ZNF471: variants seen among roughly 807,000 people sequenced by gnomAD.
The protein encoded by ZNF471 is zinc finger protein 471.
A neutral mutation model predicts 13.7 loss-of-function variants in ZNF471; 7 were observed. The observed-to-expected ratio is 0.51, with a 90% CI of 0.29 to 0.96. ZNF471 has a LOEUF of 0.96. ZNF471 is among the 40% of genes least tolerant of loss of function. ZNF471 has a pLI of 0.08. For missense variants in ZNF471, 663 were observed against 743.3 expected, an observed-to-expected ratio of 0.89 and a Z score of 1.26; for synonymous variants, 218 against 235.6, an observed-to-expected ratio of 0.93 and a Z score of 0.68.
In ZNF471 at chr19:56,525,824, G is replaced by C; in HGVS notation, c.1757G>C (p.Cys586Ser). The change falls in exon 5 of 5, where the codon TGT (cysteine) becomes TCT (serine). Residue 586 changes from cysteine to serine, a missense_variant. Transcript: ENST00000308031. ...CGKAFSDSSS[C>S]AQHQRLHTGQ... ...AAGGCTTTTAGTGATAGCTCATCCT[G>C]TGCTCAGCATCAAAGACTCCACACT... is the stretch of plus-strand genomic sequence containing the variant. 1 of 1,614,164 alleles carries C rather than the reference G, an allele frequency of 6.2e-7. No individual in the cohort carries two copies. Among genetic ancestry groups the C allele is most frequent in the Non-Finnish European group, 8.5e-7 (1 of 1,180,024 alleles).
chr19:56,528,789 A>G lies in ZNF471; in HGVS notation c.*2841A>G, dbSNP rs2044077015. On this transcript the variant is annotated 3_prime_UTR_variant, in exon 5 of 5. Coordinates refer to ENST00000308031, the MANE Select transcript of ZNF471 (RefSeq NM_020813.4). ...AAGACTTTATTTAGTCAAGTAAAAA[A>G]AAATCACTAATGTTTAACTGAAGAA... 6.6e-6 allele frequency: 1 copy of G among 152,236 alleles called. No homozygotes were observed. 9.4% of individuals were successfully genotyped at this position (152,236 alleles called of 1,614,324 possible).
rs750413165 is a variant in ZNF471 at position 56,510,314 on chromosome 19, G to A, written c.-55-1203G>A. ...GTATGAGAGACCATCATGTTTATATGTGTGAAAGAGGGAGAGAAAGACTAG... is the reference window on the plus strand; with the variant it reads ...GTATGAGAGACCATCATGTTTATATATGTGAAAGAGGGAGAGAAAGACTAG... On this transcript the variant is annotated intron_variant, in intron 1 of 4. Transcript: ENST00000308031. The surrounding 1 kb of genome is among the most constrained non-coding windows in gnomAD (Gnocchi z 4.3). 1.0e-6 allele frequency: 1 copy of A among 985,456 alleles called. No individual in the cohort carries two copies. The highest frequency in any genetic ancestry group is 1.2e-6 in the Non-Finnish European group (1 of 829,938). 61.0% of individuals were successfully genotyped at this position (985,456 alleles called of 1,614,324 possible). A position where few individuals can be genotyped will look rare whatever the true frequency, so the allele number is the denominator to read the frequency against.
rs921494085 is a variant in ZNF471, at chr19:56,516,599, C to T, written c.160+198C>T. ...GAGAATATCAAATATTCCATGCATA[C>T]ACCCTTAAGGCAATTGGGAACACAA... On this transcript the variant is annotated intron_variant, in intron 3 of 4. Coordinates refer to ENST00000308031, the MANE Select transcript of ZNF471 (RefSeq NM_020813.4). The surrounding 1 kb of genome is among the most constrained non-coding windows in gnomAD (Gnocchi z 4.4). 3.9e-5 allele frequency among the ~76,000 whole-genome samples: 6 copies of T among 152,186 alleles called. No homozygotes were observed. The highest frequency in any genetic ancestry group is 3.3e-4 in the Admixed American group (5 of 15,270).
Position 56,524,837 on chromosome 19 carries a change from C to A in ZNF471, c.770C>A (p.Thr257Asn), listed in dbSNP as rs763185870. 9.3e-6 allele frequency: 15 copies of A among 1,612,074 alleles called. No homozygotes were observed. In the Admixed American group the frequency reaches 2.2e-4, roughly 23 times the overall value. ...CTTGCTCAACATCACAGAACACATACTGGAGAGAAACTCTTTGAATGTAAA... is the reference window on the plus strand; with the variant it reads ...CTTGCTCAACATCACAGAACACATAATGGAGAGAAACTCTTTGAATGTAAA... The part of the protein sequence containing the change: ...QHLAQHHRTH[T>N]GEKLFECKEC... The change falls in exon 5 of 5, where the codon ACT becomes AAT. Residue 257 changes from threonine (T) to asparagine (N), a missense_variant. Physicochemically the swap from Thr to Asn is moderately conservative, Grantham distance 65. Coordinates refer to ENST00000308031, the MANE Select transcript of ZNF471 (RefSeq NM_020813.4). The surrounding 1 kb of genome is among the most constrained non-coding windows in gnomAD (Gnocchi z 4.8).
At position 56,530,206 on chromosome 19, in the gene ZNF471, TA is replaced by T. The variant is rs1389683771; in HGVS notation, c.*4264del. 6.7e-6 allele frequency: 1 copy of T among 150,106 alleles called. No individual in the cohort carries two copies. The highest frequency in any genetic ancestry group is 1.5e-5 in the Non-Finnish European group (1 of 67,344). The allele number at this position is 150,106 out of a possible 1,614,324, so 9.3% of individuals were successfully genotyped here. On this transcript the variant is annotated 3_prime_UTR_variant, in exon 5 of 5. Coordinates refer to ENST00000308031, the MANE Select transcript of ZNF471 (RefSeq NM_020813.4). ...TTAACTACATAAACTTTATAAAGCTTAAAAAATGCATTCATAGTATCTTATT... is the reference window on the plus strand; with the variant it reads ...TTAACTACATAAACTTTATAAAGCTTAAAAATGCATTCATAGTATCTTATT...
Position 56,526,163 on chromosome 19 carries a change from A to G in ZNF471, c.*215A>G. On this transcript the variant is annotated 3_prime_UTR_variant, in exon 5 of 5. Transcript: ENST00000308031. ...TGCTTTCTGTATTTCCAGCTGAGGTACCTGGCTCATCTCATTGGGACTGGT... is the reference window on the plus strand; with the variant it reads ...TGCTTTCTGTATTTCCAGCTGAGGTGCCTGGCTCATCTCATTGGGACTGGT... 2.0e-6 allele frequency: 1 copy of G among 503,876 alleles called. No individual in the cohort carries two copies. The highest frequency in any genetic ancestry group is 3.4e-6 in the Non-Finnish European group (1 of 293,302). 31.2% of individuals were successfully genotyped at this position (503,876 alleles called of 1,614,324 possible). A position where few individuals can be genotyped will look rare whatever the true frequency, so the allele number is the denominator to read the frequency against.
In ZNF471 at chr19:56,529,253, C is replaced by T. The variant is rs146814225; in HGVS notation, c.*3305C>T. 1.2e-4 allele frequency: 19 copies of T among 152,214 alleles called. No homozygotes were observed. In the South Asian group the frequency reaches 1.7e-3, roughly 13 times the overall value. The allele number at this position is 152,214 out of a possible 1,614,324, so 9.4% of individuals were successfully genotyped here. ...GTTTTTTATATTTGAAAAGTGTTTT[C>T]GATGTATCATTGGGGGAGATTAAAT... On this transcript the variant is annotated 3_prime_UTR_variant, in exon 5 of 5. Transcript: ENST00000308031.
chr19:56,519,261 T>C (rs947708036), intron 4 of ZNF471, among the ~76,000 whole-genome samples: 4 of 152,168 alleles, frequency 2.6e-5, no homozygotes, highest in African/African-American at 9.7e-5. Context: ...GCTCCACCTG[T>C]GTTTTACAAA....
In ZNF471 at chr19:56,526,347, T is replaced by G. The variant is rs2044047402; in HGVS notation, c.*399T>G. On this transcript the variant is annotated 3_prime_UTR_variant, in exon 5 of 5. Coordinates refer to ENST00000308031, the MANE Select transcript of ZNF471 (RefSeq NM_020813.4). ...GTGCACTCCGGCACAGATACTACGC[T>G]TTTCCCATGGTCTTCGCAACCCACA... 6.1e-6 allele frequency: 1 copy of G among 163,268 alleles called. No homozygotes were observed. The allele number at this position is 163,268 out of a possible 1,614,324, so 10.1% of individuals were successfully genotyped here.
Position 56,524,304 on chromosome 19 carries a change from T to C in ZNF471, c.257-20T>C. 7.0e-7 allele frequency: 1 copy of C among 1,438,798 alleles called. No individual in the cohort carries two copies. The highest frequency in any genetic ancestry group is 1.5e-5 in the South Asian group (1 of 68,340). 89.1% of individuals were successfully genotyped at this position (1,438,798 alleles called of 1,614,324 possible). Reference sequence around the variant, plus strand: ...AGCCCATGATAAAGGGAACATTCACTTTTTTTTAATATCTTTCAGATTGGG... The same window carrying C: ...AGCCCATGATAAAGGGAACATTCACCTTTTTTTAATATCTTTCAGATTGGG... On this transcript the variant is annotated intron_variant, in intron 4 of 4. Transcript: ENST00000308031. This position sits in a 1 kb window ranked among gnomAD's most constrained non-coding sequence, Gnocchi z 4.8.
At chr19:56,514,301 C>T (rs180892322) in intron 2 of ZNF471, among the ~76,000 whole-genome samples, 3 of 152,174 alleles carry the variant, frequency 2.0e-5, no homozygotes, top group Admixed American at 1.3e-4. Flanking sequence ...GTCTTGAGCT[C>T]CTGGCCTCAA....
intron 2 of ZNF471, among the ~76,000 whole-genome samples, chr19:56,514,335 C>A (rs759450563): frequency 6.6e-6 from 1 of 152,114 alleles, no homozygotes; most frequent in Non-Finnish European, 1.5e-5. Flanking sequence ...CTTGGCCTCC[C>A]AAAGTGCTGG....
chr19:56,509,787 T>C, intron 1 of ZNF471: 1 of 892,350 alleles, frequency 1.1e-6, no homozygotes, highest in Non-Finnish European at 1.3e-6. Flanking sequence ...AGAACTGTTT[T>C]GTGTTGTGTG....
intron 2 of ZNF471, 132 bp downstream of exon 2, chr19:56,511,736 C>G (rs1036593747): frequency 1.4e-6 from 1 of 700,372 alleles, no homozygotes; most frequent in Non-Finnish European, 2.5e-6. Context: ...TCAGGGGCCA[C>G]TGTCTTTAAC....
Position 56,525,776 on chromosome 19 carries a change from C to T in ZNF471, c.1709C>T (p.Pro570Leu). 6.2e-7 allele frequency: 1 copy of T among 1,614,060 alleles called. No homozygotes were observed. The highest frequency in any genetic ancestry group is 8.5e-7 in the Non-Finnish European group (1 of 1,179,984). The change falls in exon 5 of 5, where the codon CCC (proline) becomes CTC (leucine). Residue 570 changes from proline (P) to leucine (L), a missense_variant. Pro to Leu is a moderately conservative substitution (Grantham distance 98). Coordinates refer to ENST00000308031, the MANE Select transcript of ZNF471 (RefSeq NM_020813.4). ...QHQRIHTGEK[P>L]YKCTECGKAF... The stretch of plus-strand genomic sequence containing the variant: ...CAAAGAATTCATACTGGAGAGAAAC[C>T]CTATAAATGTACTGAATGTGGAAAG...
Position 56,525,332 on chromosome 19 carries a change from A to C in ZNF471, c.1265A>C (p.Gln422Pro). 1.2e-6 allele frequency: 2 copies of C among 1,612,864 alleles called. No homozygotes were observed. The highest frequency in any genetic ancestry group is 1.7e-6 in the Non-Finnish European group (2 of 1,179,168). ...TCGGGTTCATCCCGTACTGTACATC[A>C]GAGAATTCATACAGGAGAGAAACCT... ...FSSGSSRTVH[Q>P]RIHTGEKPYE... The change falls in exon 5 of 5, where the codon CAG (glutamine) becomes CCG (proline). Residue 422 changes from glutamine to proline, a missense_variant. By Grantham distance (76) the Gln-to-Pro change is moderately conservative. Coordinates refer to ENST00000308031, the MANE Select transcript of ZNF471 (RefSeq NM_020813.4).
rs761372018 is a variant in ZNF471 at position 56,511,577 on chromosome 19, T to C, written c.6T>C (p.Asn2=). The C allele has an allele frequency of 2.5e-6, 4 of 1,614,016 alleles. No individual in the cohort carries two copies. The East Asian group carries it at 8.9e-5, about 36-fold the overall frequency. The change falls in exon 2 of 5, where the codon AAT becomes AAC. Residue 2 remains asparagine (N), a synonymous_variant. Transcript: ENST00000308031. ...GACCAGAAGAGAAGGCAAAAATGAA[T>C]GTTGAAGTAGTAAAAGTCATGCCCC... The part of the protein sequence containing the change: M[N]VEVVKVMPQD...
Position 56,523,060 on chromosome 19 carries a change from C to T in ZNF471, c.257-1264C>T, listed in dbSNP as rs149484847. Among the ~76,000 whole-genome samples, 5 of 152,306 alleles carry T rather than the reference C, an allele frequency of 3.3e-5. No homozygotes were observed. In the East Asian group the frequency reaches 9.6e-4, roughly 29 times the overall value. ...CGATGTTGCAATAATTTTTAAAGCA[C>T]ATTTATTCCTTCTGTAAACTTATAT... On this transcript the variant is annotated intron_variant, in intron 4 of 4. Coordinates refer to ENST00000308031, the MANE Select transcript of ZNF471 (RefSeq NM_020813.4).
Position 56,516,363 on chromosome 19 carries a change from G to T in ZNF471, c.122G>T (p.Ser41Ile), listed in dbSNP as rs777441040. ...CCTGCTCAGAAGCGTTTATACAGGA[G>T]TATGATGTTGGAGAACTATCAGAGC... ...MNPAQKRLYR[S>I]MMLENYQSLV... The change falls in exon 3 of 5, where the codon AGT becomes ATT. Residue 41 changes from serine to isoleucine, a missense_variant. Physicochemically the swap from Ser to Ile is moderately radical, Grantham distance 142 (BLOSUM62 -2). Transcript: ENST00000308031. This position sits in a 1 kb window ranked among gnomAD's most constrained non-coding sequence, Gnocchi z 4.4. The T allele has an allele frequency of 1.9e-6, 3 of 1,613,846 alleles. No individual in the cohort carries two copies. Among genetic ancestry groups the T allele is most frequent in the Non-Finnish European group, 1.7e-6 (2 of 1,179,804 alleles).
Sources: gnomAD v4.1 joint callset for allele counts (sites outside exome capture counted in the v4.1 genomes callset) on GRCh38, gnomAD v4.1.1 for gene constraint, Gnocchi (gnomAD v3.1) non-coding constraint, MANE v1.5 for transcripts, NCBI Gene and HGNC (gene_info 2026-07-23, HGNC 2026-07-21) for gene names.